The following SAP130 variants were observed in gnomAD, a reference collection of about 807,000 sequenced individuals.
SAP130 encodes the protein histone deacetylase complex subunit SAP130.
Under a neutral mutation model 103.2 loss-of-function variants are expected in SAP130, and 16 were observed. That is an observed-to-expected ratio of 0.16 (90% CI 0.10 to 0.24). The LOEUF is 0.24. Among genes scored for constraint, SAP130 ranks in the 10% least tolerant of loss-of-function variants. SAP130 has a pLI of 1.00. For synonymous variants in SAP130, 477 were observed against 497.0 expected, an observed-to-expected ratio of 0.96 and a Z score of 0.53; for missense variants, 990 against 1,359.7, an observed-to-expected ratio of 0.73 and a Z score of 4.28.
chr2:127,968,109 ATT>A (rs199946748), intron 15 of SAP130, among the ~76,000 whole-genome samples: 30 of 139,192 alleles, frequency 2.2e-4, no homozygotes, highest in Admixed American at 2.9e-4. Flanking sequence ...ATAGTAAAGC[ATT>A]TTTTTTTTTT....
At chr2:127,962,223 C>T (rs1392813624) in intron 15 of SAP130, among the ~76,000 whole-genome samples, 2 of 152,146 alleles carry the variant, frequency 1.3e-5, no homozygotes, top group Non-Finnish European at 2.9e-5. Flanking sequence ...GAAAGGTAAA[C>T]GTTGATGTCT....
At chr2:128,020,346 C>A (rs1685069264) in intron 2 of SAP130, among the ~76,000 whole-genome samples, 1 of 152,220 alleles carries the variant, frequency 6.6e-6, no homozygotes, top group African/African-American at 2.4e-5. Context: ...GGAAATCAAT[C>A]TTCTACCTTG....
At chr2:127,983,144 A>G (rs1175337813) in intron 14 of SAP130, among the ~76,000 whole-genome samples, 1 of 152,232 alleles carries the variant, frequency 6.6e-6, no homozygotes, top group Admixed American at 6.5e-5. Flanking sequence ...CAAAAGGCAT[A>G]CAGATACACC....
chr2:127,966,002 A>G (rs1042462546), intron 15 of SAP130, among the ~76,000 whole-genome samples: 2 of 152,138 alleles, frequency 1.3e-5, no homozygotes, highest in Non-Finnish European at 2.9e-5. Flanking sequence ...CTGCTTTATG[A>G]GTCTTAATGC....
chr2:128,020,720 C>T (rs757004132), intron 2 of SAP130, among the ~76,000 whole-genome samples: 2 of 152,024 alleles, frequency 1.3e-5, no homozygotes, highest in Non-Finnish European at 2.9e-5. Flanking sequence ...GAAATGGGGC[C>T]GGGCACAGTG....
chr2:127,975,485 T>C (rs1681398416), intron 15 of SAP130, among the ~76,000 whole-genome samples: 1 of 152,228 alleles, frequency 6.6e-6, no homozygotes, highest in South Asian at 2.1e-4. Context: ...TTTAATATAA[T>C]CTTTCAGTTT....
chr2:128,008,716 C>T (rs777048232), intron 7 of SAP130, among the ~76,000 whole-genome samples: 9 of 151,308 alleles, frequency 5.9e-5, no homozygotes, highest in African/African-American at 1.5e-4. Context: ...GATGGGGTCT[C>T]GCTCTGTTGC....
intron 7 of SAP130, 110 bp downstream of exon 7, chr2:128,010,158 TA>T (rs879770101): frequency 0.089 from 76,887 of 866,570 alleles, no homozygotes; most frequent in South Asian, 0.13. Context: ...TAGCTCATTA[TA>T]AAAAAAAAAA....
At chr2:127,964,314 T>TAAAACCCC (rs1407114319) in intron 15 of SAP130, among the ~76,000 whole-genome samples, 1 of 151,822 alleles carries the variant, frequency 6.6e-6, no homozygotes, top group Non-Finnish European at 1.5e-5. Flanking sequence ...GCCAACATGG[T>TAAAACCCC]AAAACCCCAC....
chr2:127,987,244 GT>G (rs1457193539), intron 13 of SAP130, among the ~76,000 whole-genome samples: 3 of 152,134 alleles, frequency 2.0e-5, no homozygotes, highest in Non-Finnish European at 4.4e-5. Flanking sequence ...GAATACAGTG[GT>G]GCAATCTCAG....
Position 127,953,483 on chromosome 2 carries a change from T to A in SAP130, c.2422+1503A>T, listed in dbSNP as rs945688254. Among the ~76,000 whole-genome samples, 1 of 152,080 alleles carries A rather than the reference T, an allele frequency of 6.6e-6. No individual in the cohort carries two copies. Among genetic ancestry groups the A allele is most frequent in the Non-Finnish European group, 1.5e-5 (1 of 67,992 alleles). ...GTGCTTGGCACTGCTCTGCTCACAC[T>A]CCCTGCTCTGCTCCAACAGCTCCCT... On this transcript the variant is annotated intron_variant, in intron 16 of 20. Transcript: ENST00000643581. The surrounding 1 kb of genome is among the most constrained non-coding windows in gnomAD (Gnocchi z 4.0).
chr2:128,003,127 A>G, intron 7 of SAP130, among the ~76,000 whole-genome samples: 1 of 149,650 alleles, frequency 6.7e-6, no homozygotes, highest in East Asian at 2.0e-4. Context: ...GAGGGTCTCA[A>G]AAAAAAAAAG....
intron 8 of SAP130, 24 bp from the exon 9 acceptor site, chr2:128,000,170 A>G (rs375901094): frequency 6.2e-7 from 1 of 1,612,718 alleles, no homozygotes; most frequent in East Asian, 2.2e-5. Flanking sequence ...CCCACAACAC[A>G]GTTATAAGAA....
intron 10 of SAP130, among the ~76,000 whole-genome samples, chr2:127,998,467 ATATG>A: frequency 6.6e-6 from 1 of 152,356 alleles, no homozygotes; most frequent in South Asian, 2.1e-4. Context: ...GGTGATTTTA[ATATG>A]TATGTTTTAC....
Position 127,941,761 on chromosome 2 carries a change from G to A in SAP130, c.*245C>T. On this transcript the variant is annotated 3_prime_UTR_variant, in exon 21 of 21. Transcript: ENST00000643581. Reference sequence around the variant, plus strand: ...CAACTGGTGGACACTGATGCATCCGGAGTCACTTATGACACAGATCAGGTT... The same window carrying A: ...CAACTGGTGGACACTGATGCATCCGAAGTCACTTATGACACAGATCAGGTT... 2 of 489,534 alleles carry A rather than the reference G, an allele frequency of 4.1e-6. No homozygotes were observed. The allele number at this position is 489,534 out of a possible 1,614,324, so 30.3% of individuals were successfully genotyped here.
chr2:128,018,530 A>T (rs1267534513), intron 2 of SAP130, among the ~76,000 whole-genome samples: 1 of 148,164 alleles, frequency 6.7e-6, no homozygotes, highest in African/African-American at 2.5e-5. Flanking sequence ...AGTGGCTTGC[A>T]CCTGCAATCC....
chr2:128,002,385 C>CG (rs746409961), intron 7 of SAP130, among the ~76,000 whole-genome samples: 2 of 151,508 alleles, frequency 1.3e-5, no homozygotes, highest in African/African-American at 2.4e-5. Context: ...CAAAATTAAC[C>CG]GGGTGCGGTG....
chr2:127,981,288 C>G (rs1053480237), intron 14 of SAP130, among the ~76,000 whole-genome samples: 2 of 151,476 alleles, frequency 1.3e-5, no homozygotes, highest in Non-Finnish European at 2.9e-5. Context: ...ACTCAGCACT[C>G]CCACCCTGAC....
intron 15 of SAP130, 72 bp downstream of exon 15, chr2:127,977,912 GA>G: frequency 9.0e-7 from 1 of 1,113,402 alleles, no homozygotes; most frequent in South Asian, 1.3e-5. Flanking sequence ...TGTCATGCAG[GA>G]ATATTAGACT....
Sources: gnomAD v4.1 joint callset for allele counts (sites outside exome capture counted in the v4.1 genomes callset) on GRCh38, gnomAD v4.1.1 for gene constraint, Gnocchi (gnomAD v3.1) non-coding constraint, MANE v1.5 for transcripts, NCBI Gene and HGNC (gene_info 2026-07-23, HGNC 2026-07-21) for gene names.